Variants in ANKFN1 observed in about 807,000 individuals in gnomAD.
ANKFN1 encodes ankyrin repeat and fibronectin type-III domain-containing protein 1.
In ANKFN1, 74 loss-of-function variants were observed where a neutral mutation model predicts 108.7. That is an observed-to-expected ratio of 0.68 (90% CI 0.56 to 0.83). The LOEUF (loss-of-function observed/expected upper bound fraction) is 0.83. Ranked by LOEUF, ANKFN1 falls within the 40% of genes least tolerant of loss-of-function variation. The probability of loss-of-function intolerance (pLI) is 0.00; values close to 1 mark genes in which losing one functional copy is unlikely to be tolerated. For synonymous variants in ANKFN1, 547 were observed against 516.2 expected (o/e 1.06, Z -0.81); for missense variants, 1,505 against 1,382.3 (o/e 1.09, Z -1.41).
chr17:56,411,718 G>T (rs549338687), intron 8 of ANKFN1, among the ~76,000 whole-genome samples: 2 of 152,256 alleles, frequency 1.3e-5, no homozygotes. Flanking sequence ...ATTTTGACAA[G>T]TGCTTTTACT....
chr17:56,308,368 A>C (rs370514297), intron 3 of ANKFN1, among the ~76,000 whole-genome samples: 1 of 152,208 alleles, frequency 6.6e-6, no homozygotes, highest in African/African-American at 2.4e-5. Context: ...ACTAGTATAC[A>C]TAAATACAAT....
intron 19 of ANKFN1, among the ~76,000 whole-genome samples, chr17:56,497,996 C>A (rs528877626): frequency 2.6e-5 from 4 of 152,196 alleles, no homozygotes; most frequent in Admixed American, 2.6e-4. Flanking sequence ...TCTATATATA[C>A]AGAGAGACAC....
chr17:56,355,164 T>C (rs934046305), intron 6 of ANKFN1, among the ~76,000 whole-genome samples: 3 of 152,162 alleles, frequency 2.0e-5, no homozygotes, highest in Admixed American at 6.6e-5. Flanking sequence ...AATACCCTAA[T>C]TTAATGATTA....
At chr17:56,103,770 A>T (rs557472576) in intron 4 of ANKFN1, among the ~76,000 whole-genome samples, 10 of 152,308 alleles carry the variant, frequency 6.6e-5, no homozygotes, top group Admixed American at 5.9e-4. Flanking sequence ...AATAAAACAA[A>T]AAGTGTTGGT....
At chr17:56,167,900 A>T (rs1910306755) in intron 1 of ANKFN1, among the ~76,000 whole-genome samples, 1 of 152,172 alleles carries the variant, frequency 6.6e-6, no homozygotes, top group Non-Finnish European at 1.5e-5. Context: ...ACCCAACCTC[A>T]GTGGGCCTGG....
At chr17:56,363,045 C>T (rs1245679117) in intron 6 of ANKFN1, among the ~76,000 whole-genome samples, 1 of 151,952 alleles carries the variant, frequency 6.6e-6, no homozygotes, top group Non-Finnish European at 1.5e-5. Flanking sequence ...TCCATCTCTA[C>T]TAAAAATACA....
At chr17:56,505,982 A>C (rs1365534673) in intron 20 of ANKFN1, among the ~76,000 whole-genome samples, 1 of 152,192 alleles carries the variant, frequency 6.6e-6, no homozygotes, top group Non-Finnish European at 1.5e-5. Flanking sequence ...TCAGTCTTCT[A>C]CTGGCCCCCA....
intron 3 of ANKFN1, among the ~76,000 whole-genome samples, chr17:56,317,750 G>T (rs2045249612): frequency 6.6e-6 from 1 of 152,174 alleles, no homozygotes; most frequent in Admixed American, 6.5e-5. Flanking sequence ...AATGGCCAGT[G>T]CAGTCAACAC....
chr17:56,292,683 A>G (rs1598362457), intron 3 of ANKFN1, among the ~76,000 whole-genome samples: 1 of 152,158 alleles, frequency 6.6e-6, no homozygotes, highest in Non-Finnish European at 1.5e-5. Context: ...TGGGAAGTGA[A>G]TCAAGCAAAT....
chr17:56,480,411 A>G (rs182186219), intron 16 of ANKFN1, among the ~76,000 whole-genome samples: 13 of 152,298 alleles, frequency 8.5e-5, no homozygotes, highest in Admixed American at 7.8e-4. Context: ...GAGAACCCCA[A>G]TCTCAAAAAC....
chr17:56,447,409 C>A (rs902804706), intron 10 of ANKFN1, among the ~76,000 whole-genome samples: 3 of 152,128 alleles, frequency 2.0e-5, no homozygotes, highest in Non-Finnish European at 4.4e-5. Context: ...AAGCTTCTGA[C>A]CTTCCTTCCC....
intron 5 of ANKFN1, among the ~76,000 whole-genome samples, chr17:56,352,342 T>C (rs1213502176): frequency 3.3e-5 from 5 of 152,326 alleles, no homozygotes; most frequent in Middle Eastern, 6.8e-3. Flanking sequence ...ATAGGGAGAA[T>C]TGATTTTTAA....
At chr17:56,394,005 C>A (rs1422773737) in intron 8 of ANKFN1, among the ~76,000 whole-genome samples, 1 of 152,200 alleles carries the variant, frequency 6.6e-6, no homozygotes, top group Non-Finnish European at 1.5e-5. Context: ...AATGAACAGA[C>A]TAAACACAGT....
chr17:56,443,800 A>T (rs1173633197), intron 10 of ANKFN1, among the ~76,000 whole-genome samples: 2 of 152,258 alleles, frequency 1.3e-5, no homozygotes, highest in African/African-American at 4.8e-5. Flanking sequence ...CAGACATATC[A>T]TACCATAGAT....
chr17:56,048,205 G>A (rs1046253783), intron 4 of ANKFN1, among the ~76,000 whole-genome samples: 3 of 152,098 alleles, frequency 2.0e-5, no homozygotes, highest in African/African-American at 4.8e-5. Flanking sequence ...TGGATATGCT[G>A]TAATCTGTTT....
intron 3 of ANKFN1, among the ~76,000 whole-genome samples, chr17:56,293,245 G>A (rs181376720): frequency 2.6e-4 from 39 of 152,246 alleles, no homozygotes; most frequent in African/African-American, 7.5e-4. Flanking sequence ...CGTTGCTGAA[G>A]ATCTACTGCA....
intron 3 of ANKFN1, among the ~76,000 whole-genome samples, chr17:56,316,301 T>C (rs1187026589): frequency 6.6e-6 from 1 of 152,150 alleles, no homozygotes; most frequent in African/African-American, 2.4e-5. Flanking sequence ...TACAAAGAAT[T>C]CTCTCCTTAA....
chr17:56,262,218 T>C (rs1014889663), intron 3 of ANKFN1, among the ~76,000 whole-genome samples: 1 of 151,962 alleles, frequency 6.6e-6, no homozygotes, highest in African/African-American at 2.4e-5. Flanking sequence ...CAACACAGAG[T>C]TTCTGATGCC....
At chr17:56,087,890 G>A (rs1287584509) in intron 4 of ANKFN1, among the ~76,000 whole-genome samples, 1 of 151,246 alleles carries the variant, frequency 6.6e-6, no homozygotes, top group African/African-American at 2.4e-5. Context: ...GAAAGAGTTT[G>A]CTGACCTCTT....
Sources: gnomAD v4.1 joint callset for allele counts (sites outside exome capture counted in the v4.1 genomes callset) on GRCh38, gnomAD v4.1.1 for gene constraint, MANE v1.5 for transcripts, NCBI Gene and HGNC (gene_info 2026-07-23, HGNC 2026-07-21) for gene names.